NCOA6: variants seen among roughly 807,000 people sequenced by gnomAD.
The protein encoded by NCOA6 is NRC RAP250.
In NCOA6, 49 loss-of-function variants were observed where a neutral mutation model predicts 171.4. That is an observed-to-expected ratio of 0.29 (90% CI 0.23 to 0.36). The LOEUF (loss-of-function observed/expected upper bound fraction) is 0.36. Among genes scored for constraint, NCOA6 ranks in the 10% least tolerant of loss-of-function variants. The pLI is 1.00. For synonymous variants in NCOA6, 910 were observed against 927.5 expected (o/e 0.98, Z 0.34); for missense variants, 2,248 against 2,554.5 (o/e 0.88, Z 2.59).
rs1451115868 is a variant in NCOA6 at position 34,741,983 on chromosome 20, T to G, written c.4273A>C (p.Ser1425Arg). Residue 1425 changes from serine to arginine, a missense_variant, in exon 11 of 15, where the codon AGT (serine) becomes CGT (arginine). Coordinates refer to ENST00000359003, the MANE Select transcript of NCOA6 (RefSeq NM_014071.5). ...NKESLNVPQD[S>R]DCQNSQSRKE... is the part of the protein sequence containing the mutation. ...CTACTCTGGGAATTCTGGCAATCAC[T>G]GTCCTGAGGCACATTCAAGCTCTCC... is the stretch of plus-strand genomic sequence containing the variant. The G allele has an allele frequency of 6.2e-7, 1 of 1,614,230 alleles. No individual in the cohort carries two copies. The highest frequency in any genetic ancestry group is 8.5e-7 in the Non-Finnish European group (1 of 1,180,038).
At chr20:34,728,219 T>C (rs1990201381) in intron 13 of NCOA6, among the ~76,000 whole-genome samples, 1 of 152,156 alleles carries the variant, frequency 6.6e-6, no homozygotes, top group Admixed American at 6.5e-5. Context: ...GATAACAGCA[T>C]ATTAGAAGCC....
At chr20:34,730,781 A>G (rs1369447090) in intron 13 of NCOA6, among the ~76,000 whole-genome samples, 2 of 145,712 alleles carry the variant, frequency 1.4e-5, no homozygotes, top group African/African-American at 2.6e-5. Context: ...GAGCACGACC[A>G]TGGCTCACTG....
At chr20:34,761,456 T>C (rs1322800819) in intron 5 of NCOA6, among the ~76,000 whole-genome samples, 3 of 152,024 alleles carry the variant, frequency 2.0e-5, no homozygotes, top group Non-Finnish European at 4.4e-5. Context: ...TCCAAAAATA[T>C]GAGATATTTT....
chr20:34,733,597 T>C (rs1174605046), intron 12 of NCOA6, among the ~76,000 whole-genome samples: 4 of 151,974 alleles, frequency 2.6e-5, no homozygotes, highest in Non-Finnish European at 5.9e-5. Flanking sequence ...CATGTAGAAA[T>C]TTTAGTATGG....
Position 34,715,028 on chromosome 20 carries a change from G to A in NCOA6, c.*294C>T. The stretch of plus-strand genomic sequence containing the variant: ...TAGGAGATCTAAAAATGCTCACCCT[G>A]TACTCTAGGCTGCTTAGGAAATGTG... On this transcript the variant is annotated 3_prime_UTR_variant, in exon 15 of 15. Transcript: ENST00000359003. 1 of 353,740 alleles carries A rather than the reference G, an allele frequency of 2.8e-6. No individual in the cohort carries two copies. Among genetic ancestry groups the A allele is most frequent in the Non-Finnish European group, 5.4e-6 (1 of 185,060 alleles). 21.9% of individuals were successfully genotyped at this position (353,740 alleles called of 1,614,324 possible).
In NCOA6 at chr20:34,758,117, A is replaced by C. The variant is rs1297298247; in HGVS notation, c.644-13T>G. ...GGATCCATTGCATCTGTTTAAAGAT[A>C]GTCAACAAAGCAATAATTAACCTAC... On this transcript the variant is annotated splice_polypyrimidine_tract_variant and intron_variant, in intron 6 of 14. Transcript: ENST00000359003. 1 of 1,589,302 alleles carries C rather than the reference A, an allele frequency of 6.3e-7. No homozygotes were observed. Among genetic ancestry groups the C allele is most frequent in the Admixed American group, 1.7e-5 (1 of 57,984 alleles).
intron 2 of NCOA6, among the ~76,000 whole-genome samples, chr20:34,791,532 C>G (rs1180092896): frequency 6.6e-6 from 1 of 152,126 alleles, no homozygotes; most frequent in Non-Finnish European, 1.5e-5. Flanking sequence ...ACTGCTCACC[C>G]TGGCAGAAAT....
Position 34,743,014 on chromosome 20 carries a change from C to T in NCOA6, c.3242G>A (p.Ser1081Asn). 6.2e-7 allele frequency: 1 copy of T among 1,613,596 alleles called. No individual in the cohort carries two copies. The highest frequency in any genetic ancestry group is 8.5e-7 in the Non-Finnish European group (1 of 1,179,622). The change falls in exon 11 of 15, where the codon AGT becomes AAT. Residue 1081 changes from serine (S) to asparagine (N), a missense_variant. By Grantham distance (46) the Ser-to-Asn change is conservative (BLOSUM62 1). Transcript: ENST00000359003. Reference sequence around the variant, plus strand: ...TGGCACGGAGGCAGGTCCTTGCAGACTGACCATGACAGGCACACTGCCACT... The same window carrying T: ...TGGCACGGAGGCAGGTCCTTGCAGATTGACCATGACAGGCACACTGCCACT... Reference protein sequence around the residue: ...QQSGSVPVMVSLQGPASVPPS... With the variant: ...QQSGSVPVMVNLQGPASVPPS...
In NCOA6 at chr20:34,749,699, A is replaced by C; in HGVS notation, c.2496T>G (p.His832Gln). 1 of 1,614,196 alleles carries C rather than the reference A, an allele frequency of 6.2e-7. No homozygotes were observed. Among genetic ancestry groups the C allele is most frequent in the African/African-American group, 1.3e-5 (1 of 75,046 alleles). Residue 832 changes from histidine (H) to glutamine (Q), a missense_variant, in exon 9 of 15, where the codon CAT (histidine) becomes CAG (glutamine). Coordinates refer to ENST00000359003, the MANE Select transcript of NCOA6 (RefSeq NM_014071.5). ...SIQQTNMVPP[H>Q]VQAMQGNSAS... ...CACTGTTTCCCTGCATGGCCTGCAC[A>C]TGAGGGGGGACCATGTTGGTTTGTT...
chr20:34,759,071 G>T lies in NCOA6; in HGVS notation c.515-138C>A, dbSNP rs569581314. The stretch of plus-strand genomic sequence containing the variant: ...AGGGTCTCGCTCTGTTGCCCAGTCT[G>T]CCAAGTGGCACAATCACAGCTCACT... On this transcript the variant is annotated intron_variant, in intron 5 of 14. Coordinates refer to ENST00000359003, the MANE Select transcript of NCOA6 (RefSeq NM_014071.5). 3.3e-5 allele frequency: 30 copies of T among 907,244 alleles called. No individual in the cohort carries two copies. In the African/African-American group the frequency reaches 4.0e-4, roughly 12 times the overall value. The allele number at this position is 907,244 out of a possible 1,614,324, so 56.2% of individuals were successfully genotyped here.
At chr20:34,806,074 C>A (rs1412263203) in intron 1 of NCOA6, among the ~76,000 whole-genome samples, 1 of 152,146 alleles carries the variant, frequency 6.6e-6, no homozygotes, top group East Asian at 1.9e-4. Context: ...ATAATAGTTG[C>A]CTTTTCTCCA....
intron 1 of NCOA6, among the ~76,000 whole-genome samples, chr20:34,811,203 A>ATGTG (rs1457734864): frequency 5.3e-4 from 39 of 73,900 alleles, no homozygotes; most frequent in East Asian, 8.4e-4. Context: ...AACAACGTGT[A>ATGTG]TATATATATA....
chr20:34,715,848 C>A (rs1988498306), intron 14 of NCOA6, among the ~76,000 whole-genome samples: 1 of 152,128 alleles, frequency 6.6e-6, no homozygotes, highest in Admixed American at 6.5e-5. Flanking sequence ...TTTTGTCATG[C>A]TATAGTCAAG....
chr20:34,755,031 A>C (rs1433320217), intron 7 of NCOA6, among the ~76,000 whole-genome samples, 163 bp from the exon 8 acceptor site: 1 of 152,210 alleles, frequency 6.6e-6, no homozygotes, highest in Non-Finnish European at 1.5e-5. Flanking sequence ...AGATGGTTAA[A>C]AAAATCAACA....
chr20:34,783,277 G>A (rs1182872141), intron 2 of NCOA6, among the ~76,000 whole-genome samples: 1 of 151,302 alleles, frequency 6.6e-6, no homozygotes, highest in African/African-American at 2.4e-5. Context: ...GCAAGACTCC[G>A]TCTCAAAAAA....
chr20:34,794,365 T>C (rs2077992898), intron 1 of NCOA6, among the ~76,000 whole-genome samples: 1 of 152,196 alleles, frequency 6.6e-6, no homozygotes, highest in Non-Finnish European at 1.5e-5. Flanking sequence ...ATCCTACAGA[T>C]ACACTTATCA....
At position 34,746,252 on chromosome 20, in the gene NCOA6, G is replaced by GT. The variant is rs111754287; in HGVS notation, c.2914+554dup. 5.7e-3 allele frequency among the ~76,000 whole-genome samples: 782 copies of GT among 136,526 alleles called. 1 individual carries two copies. Among genetic ancestry groups the GT allele is most frequent in the East Asian group, 0.023 (108 of 4,758 alleles). The allele number at this position is 136,526 out of a possible 152,430, so 89.6% of individuals were successfully genotyped here. Reference sequence around the variant, plus strand: ...ATAAAGAGGCACTTCACATTTCATGGTTTTTTTTTTTTTTTTTGAGACAGG... The same window carrying GT: ...ATAAAGAGGCACTTCACATTTCATGGTTTTTTTTTTTTTTTTTTGAGACAGG... On this transcript the variant is annotated intron_variant, in intron 10 of 14. Transcript: ENST00000359003.
chr20:34,794,930 A>T (rs1188591171), intron 1 of NCOA6, among the ~76,000 whole-genome samples: 2 of 150,700 alleles, frequency 1.3e-5, no homozygotes, highest in East Asian at 3.9e-4. Flanking sequence ...GAAAAACTTT[A>T]AAAAAAAACA....
chr20:34,732,528 CA>C (rs1215540840), intron 13 of NCOA6, 30 bp downstream of exon 13: 5 of 1,609,088 alleles, frequency 3.1e-6, no homozygotes, highest in Non-Finnish European at 4.3e-6. Context: ...ATGCTGTGTT[CA>C]TGCTACGTCT....
Sources: gnomAD v4.1 joint callset for allele counts (sites outside exome capture counted in the v4.1 genomes callset) on GRCh38, gnomAD v4.1.1 for gene constraint, MANE v1.5 for transcripts, NCBI Gene and HGNC (gene_info 2026-07-23, HGNC 2026-07-21) for gene names.